Variants in PDZD2 observed in about 807,000 individuals in gnomAD.
The protein encoded by PDZD2 is PDZ domain-containing protein 2.
A neutral mutation model predicts 220.7 loss-of-function variants in PDZD2; 90 were observed. The ratio of observed to expected loss-of-function variants is 0.41; its 90% CI spans 0.34 to 0.49. The LOEUF (loss-of-function observed/expected upper bound fraction) is 0.49. Ranked by LOEUF, PDZD2 falls within the 20% of genes least tolerant of loss-of-function variation. The pLI is 0.28. For missense variants in PDZD2, 3,174 were observed against 3,608.5 expected, an observed-to-expected ratio of 0.88 and a Z score of 3.08; for synonymous variants, 1,375 against 1,450.5, an observed-to-expected ratio of 0.95 and a Z score of 1.18.
At chr5:31,921,724 G>A (rs900856367) in intron 2 of PDZD2, among the ~76,000 whole-genome samples, 21 of 152,136 alleles carry the variant, frequency 1.4e-4, no homozygotes, top group African/African-American at 4.3e-4. Flanking sequence ...CTCTTGAGCC[G>A]AATATCTTTT....
chr5:31,668,874 A>C (rs1561373608), intron 1 of PDZD2, among the ~76,000 whole-genome samples: 1 of 152,316 alleles, frequency 6.6e-6, no homozygotes, highest in East Asian at 1.9e-4. Flanking sequence ...TGTTTTAATA[A>C]AAATTAAAAT....
chr5:31,698,626 G>T lies in PDZD2; in HGVS notation c.-361+59189G>T, dbSNP rs912454697. Reference sequence around the variant, plus strand: ...AAAAAAAAAAAAAGAAAAAGAGAAGGCTGGGTGGAACCAGCGCTGAATGTC... The same window carrying T: ...AAAAAAAAAAAAAGAAAAAGAGAAGTCTGGGTGGAACCAGCGCTGAATGTC... On this transcript the variant is annotated intron_variant, in intron 1 of 24. Coordinates refer to ENST00000438447, the MANE Select transcript of PDZD2 (RefSeq NM_178140.4). Among the ~76,000 whole-genome samples the T allele has an allele frequency of 2.6e-5, 4 of 151,810 alleles. No homozygotes were observed. The South Asian group carries it at 6.2e-4, about 24-fold the overall frequency.
intron 1 of PDZD2, among the ~76,000 whole-genome samples, chr5:31,713,915 A>G (rs1360235461): frequency 6.6e-6 from 1 of 152,160 alleles, no homozygotes; most frequent in Non-Finnish European, 1.5e-5. Context: ...TGCCAGCACC[A>G]TGCTTCTTGT....
chr5:31,974,007 GTC>G (rs1288609265), intron 2 of PDZD2, among the ~76,000 whole-genome samples: 3 of 152,196 alleles, frequency 2.0e-5, no homozygotes, highest in Non-Finnish European at 4.4e-5. Context: ...TTGAGACAGA[GTC>G]TCACTCCGTC....
intron 2 of PDZD2, among the ~76,000 whole-genome samples, chr5:31,878,496 A>C (rs1021316490): frequency 1.2e-4 from 18 of 149,602 alleles, no homozygotes; most frequent in Admixed American, 1.1e-3. Context: ...AATGAAGGAT[A>C]CCTGGAGAAG....
At chr5:32,097,428 G>T (rs1212619058) in intron 22 of PDZD2, 48 bp downstream of exon 22, 1 of 1,123,380 alleles carries the variant, frequency 8.9e-7, no homozygotes, top group Non-Finnish European at 1.4e-6. Context: ...CCCTCAAGCA[G>T]CCTCAGAATG....
At chr5:31,688,022 G>C (rs539412146) in intron 1 of PDZD2, among the ~76,000 whole-genome samples, 2 of 152,256 alleles carry the variant, frequency 1.3e-5, no homozygotes, top group East Asian at 3.9e-4. Context: ...GGCCTGAGCT[G>C]TTTTAGAACT....
At chr5:32,050,875 G>A (rs1738475384) in intron 8 of PDZD2, among the ~76,000 whole-genome samples, 1 of 152,130 alleles carries the variant, frequency 6.6e-6, no homozygotes, top group Non-Finnish European at 1.5e-5. Flanking sequence ...GACCTCTCCA[G>A]TAAAACTTTC....
At chr5:32,003,874 G>A (rs913548785) in intron 5 of PDZD2, among the ~76,000 whole-genome samples, 2 of 152,072 alleles carry the variant, frequency 1.3e-5, no homozygotes, top group African/African-American at 4.8e-5. Context: ...ACCACGTCTG[G>A]CTAATTTTCG....
intron 1 of PDZD2, among the ~76,000 whole-genome samples, chr5:31,649,664 G>A (rs1212073006): frequency 6.6e-6 from 1 of 152,004 alleles, no homozygotes; most frequent in African/African-American, 2.4e-5. Flanking sequence ...GCTGGGCGCG[G>A]CAGCGCATGC....
At chr5:31,884,575 G>A (rs1740250781) in intron 2 of PDZD2, among the ~76,000 whole-genome samples, 2 of 151,888 alleles carry the variant, frequency 1.3e-5, no homozygotes, top group Non-Finnish European at 2.9e-5. Flanking sequence ...ACAACAATTT[G>A]GACGTCATTG....
At chr5:31,689,344 T>A (rs1747011131) in intron 1 of PDZD2, among the ~76,000 whole-genome samples, 1 of 50,256 alleles carries the variant, frequency 2.0e-5, no homozygotes, top group Non-Finnish European at 3.4e-5. Context: ...TACATATATA[T>A]ATATATATAT....
chr5:31,645,926 A>G (rs934234168), intron 1 of PDZD2, among the ~76,000 whole-genome samples: 1 of 150,994 alleles, frequency 6.6e-6, no homozygotes, highest in African/African-American at 2.4e-5. Context: ...GTAAGTTTGG[A>G]TCTCAGTGTA....
At chr5:32,074,902 C>G (rs1016952418) in intron 18 of PDZD2, among the ~76,000 whole-genome samples, 6 of 152,050 alleles carry the variant, frequency 3.9e-5, no homozygotes, top group African/African-American at 7.2e-5. Context: ...CCTCCGCCTC[C>G]CAGGTTCAAG....
intron 1 of PDZD2, among the ~76,000 whole-genome samples, chr5:31,666,879 G>A (rs1746008596): frequency 1.3e-5 from 2 of 152,116 alleles, no homozygotes; most frequent in Admixed American, 1.3e-4. Flanking sequence ...GGTCCTCAGT[G>A]TTTCTTGTGA....
intron 1 of PDZD2, among the ~76,000 whole-genome samples, chr5:31,777,746 T>C (rs1752787140): frequency 6.6e-6 from 1 of 152,124 alleles, no homozygotes; most frequent in Admixed American, 6.5e-5. Context: ...AGCTAAAGGA[T>C]TGTAAATGCA....
At chr5:32,077,910 T>C in intron 19 of PDZD2, 1 of 282,232 alleles carries the variant, frequency 3.5e-6, no homozygotes, top group Non-Finnish European at 6.5e-6. Context: ...TGAGCCAAGG[T>C]GGCACCATTG....
chr5:32,040,271 C>A (rs1217780474), intron 7 of PDZD2, among the ~76,000 whole-genome samples: 1 of 146,740 alleles, frequency 6.8e-6, no homozygotes, highest in Non-Finnish European at 1.5e-5. Flanking sequence ...GTGAGGAGCG[C>A]CTCTGCACGG....
chr5:32,050,072 A>G (rs1301671462), intron 8 of PDZD2, among the ~76,000 whole-genome samples: 1 of 152,206 alleles, frequency 6.6e-6, no homozygotes, highest in Non-Finnish European at 1.5e-5. Context: ...CTGGGATTAC[A>G]GGTGTGTGCC....
Sources: gnomAD v4.1 joint callset for allele counts (sites outside exome capture counted in the v4.1 genomes callset) on GRCh38, gnomAD v4.1.1 for gene constraint, MANE v1.5 for transcripts, NCBI Gene and HGNC (gene_info 2026-07-23, HGNC 2026-07-21) for gene names.